Variants in DEPTOR observed in about 807,000 individuals in gnomAD.
The protein encoded by DEPTOR is DEP domain-containing mTOR-interacting protein.
A neutral mutation model predicts 41.6 loss-of-function variants in DEPTOR; 41 were observed. That is an observed-to-expected ratio of 0.98 (90% confidence interval 0.77 to 1.28). The LOEUF (loss-of-function observed/expected upper bound fraction) is 1.28. Among genes scored for constraint, DEPTOR ranks in the 50% most tolerant of loss-of-function variants. The pLI is 0.00. For missense variants in DEPTOR, 514 were observed against 527.9 expected, an observed-to-expected ratio of 0.97 and a Z score of 0.26; for synonymous variants, 195 against 192.3, an observed-to-expected ratio of 1.01 and a Z score of -0.12.
chr8:119,937,243 T>A (rs1443023641), intron 3 of DEPTOR, among the ~76,000 whole-genome samples: 1 of 151,672 alleles, frequency 6.6e-6, no homozygotes, highest in African/African-American at 2.4e-5. Flanking sequence ...CTACTAAAAA[T>A]ACCAAAATTA....
At chr8:119,998,544 C>G (rs923725573) in intron 4 of DEPTOR, among the ~76,000 whole-genome samples, 1 of 152,120 alleles carries the variant, frequency 6.6e-6, no homozygotes, top group South Asian at 2.1e-4. Context: ...ATGATGGTGA[C>G]CAGTTTGCAG....
Position 119,906,690 on chromosome 8 carries a change from G to T in DEPTOR, c.123-21710G>T, listed in dbSNP as rs118001140. ...GTGAGTTTGATTTTCCCTATTGCTG[G>T]ACCATAAGCCTAAAGTGATGGCTGG... On this transcript the variant is annotated intron_variant, in intron 1 of 8. Coordinates refer to ENST00000286234, the MANE Select transcript of DEPTOR (RefSeq NM_022783.4). Among the ~76,000 whole-genome samples the T allele has an allele frequency of 1.2e-3, 180 of 152,144 alleles. 1 individual carries two copies. Among genetic ancestry groups the T allele is most frequent in the Non-Finnish European group, 1.9e-3 (127 of 68,028 alleles).
chr8:119,878,051 G>A (rs1457679735), intron 1 of DEPTOR, among the ~76,000 whole-genome samples: 8 of 151,930 alleles, frequency 5.3e-5, no homozygotes, highest in East Asian at 2.0e-4. Context: ...CTGCCTCAAC[G>A]TCCCAAGTAG....
At chr8:119,912,886 G>T (rs1261933521) in intron 1 of DEPTOR, among the ~76,000 whole-genome samples, 1 of 152,094 alleles carries the variant, frequency 6.6e-6, no homozygotes, top group African/African-American at 2.4e-5. Flanking sequence ...ATAATAAAAA[G>T]GATCAGAATC....
intron 4 of DEPTOR, among the ~76,000 whole-genome samples, chr8:119,988,595 G>A (rs891214218): frequency 3.9e-5 from 6 of 152,142 alleles, no homozygotes; most frequent in Admixed American, 2.6e-4. Flanking sequence ...TGATTCTCCT[G>A]CCTCAGCCTC....
chr8:119,876,717 G>T (rs999130886), intron 1 of DEPTOR, among the ~76,000 whole-genome samples: 1 of 151,950 alleles, frequency 6.6e-6, no homozygotes, highest in African/African-American at 2.4e-5. Context: ...GATGAGTTGC[G>T]CTTAGGGTAG....
intron 1 of DEPTOR, among the ~76,000 whole-genome samples, chr8:119,900,130 C>A (rs1446138621): frequency 6.6e-6 from 1 of 151,582 alleles, no homozygotes; most frequent in East Asian, 1.9e-4. Context: ...ACCAGCCTGG[C>A]CAACATGGTA....
intron 3 of DEPTOR, among the ~76,000 whole-genome samples, chr8:119,932,792 G>C (rs1828061829): frequency 6.6e-6 from 1 of 152,120 alleles, no homozygotes; most frequent in African/African-American, 2.4e-5. Flanking sequence ...CTTTAAATAG[G>C]GGCATCGGGG....
chr8:120,009,633 C>CAA (rs35890665), intron 8 of DEPTOR, among the ~76,000 whole-genome samples: 42,310 of 150,896 alleles, frequency 0.28, 6,253 homozygotes, highest in South Asian at 0.45. Context: ...CAAAACAAAA[C>CAA]AACAACAACA....
At chr8:119,967,764 A>G (rs1828582173) in intron 4 of DEPTOR, among the ~76,000 whole-genome samples, 1 of 152,022 alleles carries the variant, frequency 6.6e-6, no homozygotes, top group African/African-American at 2.4e-5. Flanking sequence ...AAAAAAAAAA[A>G]AAAAAAAGAG....
At chr8:119,916,014 C>T (rs544238878) in intron 1 of DEPTOR, among the ~76,000 whole-genome samples, 11 of 147,318 alleles carry the variant, frequency 7.5e-5, no homozygotes, top group Non-Finnish European at 1.3e-4. Context: ...CTGGCAAAAT[C>T]TGACTCTCAT....
intron 4 of DEPTOR, among the ~76,000 whole-genome samples, chr8:119,983,880 T>C (rs1828798748): frequency 6.6e-6 from 1 of 152,220 alleles, no homozygotes; most frequent in Non-Finnish European, 1.5e-5. Context: ...CTCTTCCTCC[T>C]TTGAGGGTCT....
chr8:120,035,924 A>G (rs779865644), intron 8 of DEPTOR, among the ~76,000 whole-genome samples: 11 of 152,228 alleles, frequency 7.2e-5, no homozygotes, highest in Non-Finnish European at 1.5e-4. Context: ...AATTGTTTCT[A>G]GAGCTGTCAT....
At chr8:119,958,676 G>A (rs1828449515) in intron 3 of DEPTOR, among the ~76,000 whole-genome samples, 1 of 152,114 alleles carries the variant, frequency 6.6e-6, no homozygotes, top group Non-Finnish European at 1.5e-5. Context: ...CAGCTGCTCA[G>A]GAGGCTGAGG....
intron 4 of DEPTOR, among the ~76,000 whole-genome samples, chr8:119,988,963 T>TTC (rs1554583512): frequency 1.2e-4 from 14 of 116,146 alleles, no homozygotes; most frequent in South Asian, 8.4e-4. Flanking sequence ...TTTTTCTTTT[T>TTC]TTTTTTTTTT....
intron 3 of DEPTOR, among the ~76,000 whole-genome samples, chr8:119,945,152 T>A (rs376893723): frequency 2.0e-4 from 31 of 152,314 alleles, no homozygotes; most frequent in African/African-American, 7.5e-4. Flanking sequence ...AAATGTTTGT[T>A]GAAGAGATGA....
At chr8:119,931,787 C>A (rs969196258) in intron 3 of DEPTOR, among the ~76,000 whole-genome samples, 2 of 152,062 alleles carry the variant, frequency 1.3e-5, no homozygotes, top group African/African-American at 4.8e-5. Context: ...TTGCTACTTT[C>A]TTTTAATTTC....
chr8:119,879,248 A>C (rs1182351104), intron 1 of DEPTOR, among the ~76,000 whole-genome samples: 1 of 152,246 alleles, frequency 6.6e-6, no homozygotes, highest in Non-Finnish European at 1.5e-5. Flanking sequence ...GTGGGAATGT[A>C]AAATGGTACA....
chr8:119,913,379 A>T (rs1353831202), intron 1 of DEPTOR, among the ~76,000 whole-genome samples: 1 of 152,230 alleles, frequency 6.6e-6, no homozygotes, highest in Non-Finnish European at 1.5e-5. Context: ...CAATGACAAA[A>T]GTTGTTCATC....
Sources: allele counts gnomAD v4.1 joint callset (sites outside exome capture counted in the v4.1 genomes callset), GRCh38; gene constraint gnomAD v4.1.1; transcripts MANE v1.5; gene names NCBI Gene and HGNC (gene_info 2026-07-23, HGNC 2026-07-21).